Variants in APBB1IP observed in about 807,000 individuals in gnomAD.
APBB1IP encodes amyloid beta precursor protein binding family B member 1 interacting protein.
In APBB1IP, 27 loss-of-function variants were observed where a neutral mutation model predicts 64.9. The ratio of observed to expected loss-of-function variants is 0.42; its 90% CI spans 0.31 to 0.57. The LOEUF (loss-of-function observed/expected upper bound fraction) is 0.57. APBB1IP is among the 20% of genes least tolerant of loss of function. The pLI, the probability that APBB1IP is intolerant of heterozygous loss-of-function variation, is 0.20. For synonymous variants in APBB1IP, 392 were observed against 331.0 expected (o/e 1.18, Z -2.00); for missense variants, 812 against 845.5 (o/e 0.96, Z 0.49).
intron 10 of APBB1IP, among the ~76,000 whole-genome samples, chr10:26,540,928 G>C (rs999225406): frequency 6.6e-6 from 1 of 151,524 alleles, no homozygotes; most frequent in Non-Finnish European, 1.5e-5. Flanking sequence ...TTCGTCCTGA[G>C]GGGGACTTTT....
At chr10:26,457,154 G>A (rs1291796859) in intron 2 of APBB1IP, among the ~76,000 whole-genome samples, 2 of 152,166 alleles carry the variant, frequency 1.3e-5, no homozygotes, top group African/African-American at 2.4e-5. Flanking sequence ...ACAGGAGCTA[G>A]GCTGTGCTTG....
At chr10:26,473,358 A>C (rs1588575242) in intron 2 of APBB1IP, among the ~76,000 whole-genome samples, 2 of 152,328 alleles carry the variant, frequency 1.3e-5, no homozygotes, top group African/African-American at 4.8e-5. Flanking sequence ...TTTGAAAATT[A>C]AAATCTGGGC....
chr10:26,554,619 G>A (rs1004063199), intron 11 of APBB1IP, among the ~76,000 whole-genome samples: 1 of 152,126 alleles, frequency 6.6e-6, no homozygotes, highest in Non-Finnish European at 1.5e-5. Flanking sequence ...GTCTCACTCT[G>A]TTGCTCAGGC....
chr10:26,563,494 C>T (rs907843223), intron 14 of APBB1IP, among the ~76,000 whole-genome samples: 8 of 152,060 alleles, frequency 5.3e-5, no homozygotes, highest in African/African-American at 1.9e-4. Context: ...GTATAATTCT[C>T]CATAAAATTT....
intron 11 of APBB1IP, among the ~76,000 whole-genome samples, chr10:26,553,847 G>C (rs1006910981): frequency 2.6e-5 from 4 of 152,072 alleles, no homozygotes; most frequent in African/African-American, 9.7e-5. Flanking sequence ...GGCATCTTTT[G>C]CATTGATGAC....
intron 10 of APBB1IP, among the ~76,000 whole-genome samples, chr10:26,536,811 T>G (rs933333965): frequency 2.0e-5 from 3 of 150,774 alleles, no homozygotes; most frequent in Admixed American, 6.7e-5. Context: ...TTCACCATGT[T>G]GCTTAGGCTG....
At chr10:26,463,586 A>G (rs1835617093) in intron 2 of APBB1IP, among the ~76,000 whole-genome samples, 1 of 152,008 alleles carries the variant, frequency 6.6e-6, no homozygotes, top group African/African-American at 2.4e-5. Context: ...GCACTGCTCT[A>G]CTTGTTTTTT....
chr10:26,509,035 A>T (rs1836219753), intron 6 of APBB1IP, among the ~76,000 whole-genome samples: 1 of 152,230 alleles, frequency 6.6e-6, no homozygotes, highest in East Asian at 1.9e-4. Context: ...GTCTTAGCAC[A>T]TGTAGCTACT....
intron 11 of APBB1IP, among the ~76,000 whole-genome samples, chr10:26,554,936 A>T (rs1164298555): frequency 6.6e-6 from 1 of 152,072 alleles, no homozygotes; most frequent in Non-Finnish European, 1.5e-5. Context: ...ACTTCATCTT[A>T]ACTTTATTAC....
chr10:26,501,744 A>G (rs1227813273), intron 5 of APBB1IP: 1 of 152,414 alleles, frequency 6.6e-6, no homozygotes, highest in African/African-American at 2.4e-5. Flanking sequence ...ACTTTTAAGG[A>G]TTTTCTTTTT....
At chr10:26,547,437 C>CTTTGT (rs1190847190) in intron 11 of APBB1IP, among the ~76,000 whole-genome samples, 5 of 151,444 alleles carry the variant, frequency 3.3e-5, no homozygotes, top group Admixed American at 6.6e-5. Flanking sequence ...GTTTGTTTTG[C>CTTTGT]TTTGTTTTGT....
rs957898105 is a variant in APBB1IP at position 26,567,321 on chromosome 10, C to T, written c.1834C>T (p.Pro612Ser). 1 of 1,270,152 alleles carries T rather than the reference C, an allele frequency of 7.9e-7. No individual in the cohort carries two copies. Among genetic ancestry groups the T allele is most frequent in the South Asian group, 1.5e-5 (1 of 67,158 alleles). The allele number at this position is 1,270,152 out of a possible 1,614,324, so 78.7% of individuals were successfully genotyped here. ...PPPPPAPAPA[P>S]VPDSARPPPA... is the part of the protein sequence containing the mutation. Reference sequence around the variant, plus strand: ...GCCGCCGCCCGCGCCCGCGCCCGCCCCCGTCCCCGACTCCGCCAGGCCGCC... The same window carrying T: ...GCCGCCGCCCGCGCCCGCGCCCGCCTCCGTCCCCGACTCCGCCAGGCCGCC... Residue 612 changes from proline (P) to serine (S), a missense_variant, in exon 15 of 15, where the codon CCC becomes TCC. Transcript: ENST00000376236.
At chr10:26,442,874 C>T (rs1835351541) in intron 2 of APBB1IP, among the ~76,000 whole-genome samples, 1 of 152,082 alleles carries the variant, frequency 6.6e-6, no homozygotes, top group Non-Finnish European at 1.5e-5. Flanking sequence ...CATGTACATA[C>T]ATTTGTAAAG....
At chr10:26,495,612 T>TAA (rs112502113) in intron 3 of APBB1IP, among the ~76,000 whole-genome samples, 13,218 of 139,410 alleles carry the variant, frequency 0.095, 639 homozygotes, top group African/African-American at 0.14. Context: ...TCATTTTTGT[T>TAA]AAAAAAAAAA....
At chr10:26,458,976 A>T (rs1589192416) in intron 2 of APBB1IP, among the ~76,000 whole-genome samples, 1 of 151,614 alleles carries the variant, frequency 6.6e-6, no homozygotes, top group Non-Finnish European at 1.5e-5. Flanking sequence ...TTTAGGGTAC[A>T]TGTGCACAAT....
At chr10:26,491,504 C>T (rs897583229) in intron 2 of APBB1IP, among the ~76,000 whole-genome samples, 1 of 152,134 alleles carries the variant, frequency 6.6e-6, no homozygotes, top group African/African-American at 2.4e-5. Flanking sequence ...GTGCGTCCCA[C>T]CCTATTTTGT....
chr10:26,462,340 T>A (rs1476336442), intron 2 of APBB1IP, among the ~76,000 whole-genome samples: 1 of 152,220 alleles, frequency 6.6e-6, no homozygotes, highest in Non-Finnish European at 1.5e-5. Flanking sequence ...TGGAACATTT[T>A]TGGTGTTTTA....
At chr10:26,443,084 G>C (rs771947063) in intron 2 of APBB1IP, among the ~76,000 whole-genome samples, 2 of 152,132 alleles carry the variant, frequency 1.3e-5, no homozygotes, top group African/African-American at 2.4e-5. Flanking sequence ...CATTGATAAA[G>C]TGACCAAGAA....
At chr10:26,468,542 GTT>G (rs1835674259) in intron 2 of APBB1IP, among the ~76,000 whole-genome samples, 1 of 152,212 alleles carries the variant, frequency 6.6e-6, no homozygotes, top group African/African-American at 2.4e-5. Context: ...ATGTGTATAT[GTT>G]CGTGGGTTCC....
Sources: gnomAD v4.1 joint callset for allele counts (sites outside exome capture counted in the v4.1 genomes callset) on GRCh38, gnomAD v4.1.1 for gene constraint, MANE v1.5 for transcripts, NCBI Gene and HGNC (gene_info 2026-07-23, HGNC 2026-07-21) for gene names.